LRP1B: variants seen among roughly 807,000 people sequenced by gnomAD.
The protein encoded by LRP1B is LDL receptor related protein 1B.
LRP1B carries 217 observed loss-of-function variants against 556.6 expected under a neutral mutation model. That is an observed-to-expected ratio of 0.39 (90% CI 0.35 to 0.44). LRP1B has a LOEUF of 0.44. LRP1B is among the 20% of genes least tolerant of loss of function. LRP1B has a pLI of 1.00. For synonymous variants in LRP1B, 2,047 were observed against 1,865.8 expected, an observed-to-expected ratio of 1.10 and a Z score of -2.50; for missense variants, 5,053 against 5,620.8, an observed-to-expected ratio of 0.90 and a Z score of 3.23.
chr2:140,875,382 G>T (rs1271273762), intron 25 of LRP1B, among the ~76,000 whole-genome samples: 1 of 152,138 alleles, frequency 6.6e-6, no homozygotes, highest in Non-Finnish European at 1.5e-5. Flanking sequence ...GCTTATGGAA[G>T]TTATATCTTA....
intron 1 of LRP1B, among the ~76,000 whole-genome samples, chr2:141,969,824 T>G (rs1701677260): frequency 1.3e-5 from 2 of 151,602 alleles, no homozygotes; most frequent in South Asian, 2.1e-4. Flanking sequence ...TATAATTCTA[T>G]TTTTGGTATT....
intron 5 of LRP1B, 128 bp downstream of exon 5, chr2:141,247,098 A>G: frequency 3.9e-6 from 4 of 1,030,700 alleles, no homozygotes; most frequent in South Asian, 2.8e-5. Context: ...AGAGAAGTGT[A>G]TTAAAATGAA....
intron 17 of LRP1B, among the ~76,000 whole-genome samples, chr2:140,984,365 T>G (rs903633591): frequency 2.0e-5 from 3 of 152,012 alleles, no homozygotes; most frequent in Admixed American, 6.6e-5. Flanking sequence ...AACTATTTCA[T>G]TCCTTCAGTC....
chr2:141,526,370 C>T (rs1684693901), intron 2 of LRP1B, among the ~76,000 whole-genome samples: 1 of 151,964 alleles, frequency 6.6e-6, no homozygotes, highest in Non-Finnish European at 1.5e-5. Flanking sequence ...AGGCAAAAAT[C>T]CATAAGTCTG....
chr2:141,322,678 C>G (rs897660201), intron 3 of LRP1B, among the ~76,000 whole-genome samples: 1 of 152,014 alleles, frequency 6.6e-6, no homozygotes, highest in Admixed American at 6.6e-5. Flanking sequence ...AGAGTAAAAA[C>G]TAAGCATTTC....
At chr2:141,470,226 T>C (rs908921317) in intron 3 of LRP1B, among the ~76,000 whole-genome samples, 1 of 152,204 alleles carries the variant, frequency 6.6e-6, no homozygotes, top group African/African-American at 2.4e-5. Flanking sequence ...TTTTAACTTC[T>C]TATTGTTACT....
intron 2 of LRP1B, among the ~76,000 whole-genome samples, chr2:141,575,061 C>T (rs189363076): frequency 1.3e-5 from 2 of 151,988 alleles, no homozygotes; most frequent in South Asian, 2.1e-4. Flanking sequence ...ATGCTATTCC[C>T]GTCAAACTAC....
intron 18 of LRP1B, among the ~76,000 whole-genome samples, chr2:140,957,458 A>T (rs1405108880): frequency 6.6e-6 from 1 of 151,654 alleles, no homozygotes; most frequent in Admixed American, 6.6e-5. Context: ...TAGAAAGTCA[A>T]AGAGAACACC....
chr2:141,113,905 G>C (rs1700815724), intron 7 of LRP1B, among the ~76,000 whole-genome samples: 1 of 152,092 alleles, frequency 6.6e-6, no homozygotes, highest in Non-Finnish European at 1.5e-5. Flanking sequence ...ACTAGTCTAA[G>C]TTCAGCTGTT....
intron 1 of LRP1B, among the ~76,000 whole-genome samples, chr2:142,099,733 A>G (rs1706505532): frequency 6.6e-6 from 1 of 151,898 alleles, no homozygotes; most frequent in Non-Finnish European, 1.5e-5. Flanking sequence ...CCTTTCTTCA[A>G]TCTTCAAAAT....
chr2:141,639,471 C>T (rs1218226205), intron 2 of LRP1B, among the ~76,000 whole-genome samples: 2 of 146,410 alleles, frequency 1.4e-5, no homozygotes, highest in African/African-American at 5.0e-5. Flanking sequence ...TAGAGTGCAG[C>T]AGTGGCATGA....
At chr2:140,980,298 G>C (rs1202527495) in intron 18 of LRP1B, among the ~76,000 whole-genome samples, 3 of 152,012 alleles carry the variant, frequency 2.0e-5, no homozygotes, top group Admixed American at 6.6e-5. Context: ...TGCTCACTGT[G>C]GAAAGGAATC....
intron 7 of LRP1B, among the ~76,000 whole-genome samples, chr2:141,148,816 G>T (rs776588256): frequency 1.2e-4 from 18 of 152,172 alleles, no homozygotes; most frequent in Non-Finnish European, 2.6e-4. Flanking sequence ...GGGCATGGTG[G>T]TTCACGCCTG....
chr2:141,821,514 G>A (rs1558898984), intron 1 of LRP1B, among the ~76,000 whole-genome samples: 1 of 152,148 alleles, frequency 6.6e-6, no homozygotes, highest in Admixed American at 6.5e-5. Flanking sequence ...AGAAGCACAT[G>A]ACAGAATTTT....
At chr2:141,463,246 T>G (rs536556117) in intron 3 of LRP1B, among the ~76,000 whole-genome samples, 1 of 152,168 alleles carries the variant, frequency 6.6e-6, no homozygotes, top group South Asian at 2.1e-4. Flanking sequence ...AATTGCCTCT[T>G]CAAAAGAATG....
chr2:142,023,095 G>A (rs183051998), intron 1 of LRP1B, among the ~76,000 whole-genome samples: 1 of 152,180 alleles, frequency 6.6e-6, no homozygotes, highest in East Asian at 1.9e-4. Context: ...ATCTGAATCA[G>A]TTGGGAATTG....
intron 41 of LRP1B, among the ~76,000 whole-genome samples, chr2:140,642,785 A>G (rs1684346867): frequency 6.6e-6 from 1 of 152,160 alleles, no homozygotes; most frequent in African/African-American, 2.4e-5. Flanking sequence ...CGGAGCTTGC[A>G]TTGAGCCGAG....
At chr2:141,119,499 AT>A (rs1300792869) in intron 7 of LRP1B, among the ~76,000 whole-genome samples, 1 of 151,828 alleles carries the variant, frequency 6.6e-6, no homozygotes, top group Non-Finnish European at 1.5e-5. Flanking sequence ...CTCACTTGGG[AT>A]ATGACTACAT....
At chr2:141,450,558 AT>A (rs1213848752) in intron 3 of LRP1B, among the ~76,000 whole-genome samples, 2 of 151,564 alleles carry the variant, frequency 1.3e-5, no homozygotes, top group East Asian at 3.8e-4. Flanking sequence ...TTTTAAAAAA[AT>A]AAAGATGCCA....
Sources: allele counts gnomAD v4.1 joint callset (sites outside exome capture counted in the v4.1 genomes callset), GRCh38; gene constraint gnomAD v4.1.1; transcripts MANE v1.5; gene names NCBI Gene and HGNC (gene_info 2026-07-23, HGNC 2026-07-21).